SLC35F1: variants seen among roughly 807,000 people sequenced by gnomAD.
SLC35F1 encodes chromosome 6 open reading frame 169.
In SLC35F1, 14 loss-of-function variants were observed where a neutral mutation model predicts 48.7. The ratio of observed to expected loss-of-function variants is 0.29; its 90% CI spans 0.19 to 0.45. The LOEUF (loss-of-function observed/expected upper bound fraction) is 0.45. Ranked by LOEUF, SLC35F1 falls within the 20% of genes least tolerant of loss-of-function variation. The pLI, the probability that SLC35F1 is intolerant of heterozygous loss-of-function variation, is 1.00. For synonymous variants in SLC35F1, 190 were observed against 202.2 expected (o/e 0.94, Z 0.51); for missense variants, 404 against 500.0 (o/e 0.81, Z 1.83).
intron 2 of SLC35F1, among the ~76,000 whole-genome samples, chr6:118,191,802 A>G (rs1774737249): frequency 6.6e-6 from 1 of 152,186 alleles, no homozygotes; most frequent in Non-Finnish European, 1.5e-5. Flanking sequence ...ATGCATTGAA[A>G]ATGACAGTTG....
chr6:118,237,401 T>C (rs1384125088), intron 3 of SLC35F1, among the ~76,000 whole-genome samples: 2 of 151,622 alleles, frequency 1.3e-5, no homozygotes, highest in Admixed American at 6.6e-5. Context: ...AGTGCATAAC[T>C]TTTTTTTTCC....
chr6:118,294,296 T>C (rs541082064), intron 7 of SLC35F1, among the ~76,000 whole-genome samples: 1 of 152,238 alleles, frequency 6.6e-6, no homozygotes, highest in African/African-American at 2.4e-5. Flanking sequence ...TTTTGGCTGA[T>C]TTCTTTGATT....
intron 1 of SLC35F1, among the ~76,000 whole-genome samples, chr6:118,089,939 A>G (rs182840136): frequency 1.6e-4 from 24 of 152,332 alleles, no homozygotes; most frequent in African/African-American, 5.3e-4. Flanking sequence ...GGTCCCATAA[A>G]TGATTAAAAC....
At chr6:117,942,065 T>G (rs1044455820) in intron 1 of SLC35F1, among the ~76,000 whole-genome samples, 5 of 152,200 alleles carry the variant, frequency 3.3e-5, no homozygotes, top group African/African-American at 9.6e-5. Flanking sequence ...ATGACATGTA[T>G]TTTATCAAAA....
At chr6:118,141,451 A>G (rs775785123) in intron 1 of SLC35F1, among the ~76,000 whole-genome samples, 3 of 152,206 alleles carry the variant, frequency 2.0e-5, no homozygotes, top group Non-Finnish European at 4.4e-5. Flanking sequence ...TTCTTAAGTG[A>G]TACATGACTG....
intron 1 of SLC35F1, among the ~76,000 whole-genome samples, chr6:118,096,524 T>C (rs1740223235): frequency 6.6e-6 from 1 of 152,244 alleles, no homozygotes; most frequent in Non-Finnish European, 1.5e-5. Flanking sequence ...GACTACACAC[T>C]GAGCAGTTCC....
chr6:118,056,986 G>A (rs1772472342), intron 1 of SLC35F1, among the ~76,000 whole-genome samples: 1 of 151,928 alleles, frequency 6.6e-6, no homozygotes, highest in Non-Finnish European at 1.5e-5. Context: ...AAAAGAACAA[G>A]CAAACAAGGA....
At chr6:118,299,644 C>T (rs1404042418) in intron 7 of SLC35F1, among the ~76,000 whole-genome samples, 7 of 152,168 alleles carry the variant, frequency 4.6e-5, no homozygotes, top group East Asian at 1.9e-4. Context: ...AGATGTGCAG[C>T]GATTGTAATG....
intron 7 of SLC35F1, among the ~76,000 whole-genome samples, chr6:118,287,863 G>A (rs1776069919): frequency 6.6e-6 from 1 of 152,094 alleles, no homozygotes; most frequent in Admixed American, 6.6e-5. Flanking sequence ...TATTCATTGA[G>A]GATAAGTAAC....
chr6:118,311,250 G>T (rs926605681), intron 7 of SLC35F1, among the ~76,000 whole-genome samples: 3 of 152,140 alleles, frequency 2.0e-5, no homozygotes, highest in Non-Finnish European at 4.4e-5. Context: ...ATGGGTTTTT[G>T]TTGAGCATTT....
chr6:118,229,069 T>G (rs151021958), intron 2 of SLC35F1, among the ~76,000 whole-genome samples: 100 of 152,004 alleles, frequency 6.6e-4, no homozygotes, highest in African/African-American at 2.3e-3. Flanking sequence ...TTCCAGTCAT[T>G]GGCTTGGATG....
chr6:118,040,545 C>G (rs1772198946), intron 1 of SLC35F1, among the ~76,000 whole-genome samples: 1 of 152,082 alleles, frequency 6.6e-6, no homozygotes, highest in African/African-American at 2.4e-5. Flanking sequence ...AAGCCTACTT[C>G]TAGAAGTATT....
At position 117,976,403 on chromosome 6, in the gene SLC35F1, A is replaced by G. The variant is rs775731811; in HGVS notation, c.173+68504A>G. Among the ~76,000 whole-genome samples, 66 of 152,200 alleles carry G rather than the reference A, an allele frequency of 4.3e-4. 1 individual carries two copies. Among genetic ancestry groups the G allele is most frequent in the Non-Finnish European group, 7.3e-5 (5 of 68,030 alleles). ...CAAATTTTAGGTTGTAAGAAAACAAATAACATAGTTGGATTATGTGGCAAA... is the reference window on the plus strand; with the variant it reads ...CAAATTTTAGGTTGTAAGAAAACAAGTAACATAGTTGGATTATGTGGCAAA... On this transcript the variant is annotated intron_variant, in intron 1 of 7. Coordinates refer to ENST00000360388, the MANE Select transcript of SLC35F1 (RefSeq NM_001029858.4).
rs376610567 is a variant in SLC35F1 at position 118,134,453 on chromosome 6, G to T, written c.174-19992G>T. Reference sequence around the variant, plus strand: ...CACTCCAGGGGCATAAGAGCCAGGAGAAATATGCTAGTCCACAAATGAGCT... The same window carrying T: ...CACTCCAGGGGCATAAGAGCCAGGATAAATATGCTAGTCCACAAATGAGCT... On this transcript the variant is annotated intron_variant, in intron 1 of 7. Transcript: ENST00000360388. Among the ~76,000 whole-genome samples the T allele has an allele frequency of 3.5e-4, 53 of 152,348 alleles. 1 individual carries two copies. In the South Asian group the frequency reaches 8.1e-3, roughly 23 times the overall value.
At chr6:118,236,678 T>A (rs1402102430) in intron 3 of SLC35F1, among the ~76,000 whole-genome samples, 1 of 152,232 alleles carries the variant, frequency 6.6e-6, no homozygotes, top group Non-Finnish European at 1.5e-5. Context: ...CACCTCCATA[T>A]GCACGTTGTG....
chr6:118,078,080 T>C (rs1401166883), intron 1 of SLC35F1, among the ~76,000 whole-genome samples: 3 of 152,214 alleles, frequency 2.0e-5, no homozygotes, highest in Non-Finnish European at 4.4e-5. Context: ...TGGCTTCTCA[T>C]TTCACTGATA....
intron 4 of SLC35F1, among the ~76,000 whole-genome samples, chr6:118,274,303 T>A (rs1291929268): frequency 4.6e-5 from 7 of 152,226 alleles, no homozygotes. Context: ...CCTGGCTCCA[T>A]ACTTCCTGGA....
chr6:118,164,918 A>G (rs1582705634), intron 2 of SLC35F1, among the ~76,000 whole-genome samples: 2 of 152,186 alleles, frequency 1.3e-5, no homozygotes, highest in East Asian at 3.9e-4. Context: ...CACTGATATA[A>G]TTATTATACT....
chr6:117,979,666 T>A (rs981841681), intron 1 of SLC35F1, among the ~76,000 whole-genome samples: 3 of 152,134 alleles, frequency 2.0e-5, no homozygotes, highest in African/African-American at 7.2e-5. Context: ...GAGTTAAAAT[T>A]TTATAATTAT....
Sources: allele counts gnomAD v4.1 joint callset (sites outside exome capture counted in the v4.1 genomes callset), GRCh38; gene constraint gnomAD v4.1.1; transcripts MANE v1.5; gene names NCBI Gene and HGNC (gene_info 2026-07-23, HGNC 2026-07-21).